Variants in COL4A2 observed in about 807,000 individuals in gnomAD.
COL4A2 encodes collagen alpha-2(IV) chain.
COL4A2 carries 99 observed loss-of-function variants against 200.2 expected under a neutral mutation model. The ratio of observed to expected loss-of-function variants is 0.49; its 90% CI spans 0.42 to 0.58. The LOEUF is 0.58. Among genes scored for constraint, COL4A2 ranks in the 20% least tolerant of loss-of-function variants. COL4A2 has a pLI of 0.00. For synonymous variants in COL4A2, 897 were observed against 900.6 expected (o/e 1.00, Z 0.07); for missense variants, 1,950 against 2,314.1 (o/e 0.84, Z 3.23).
At chr13:110,497,112 A>G (rs58143650) in intron 40 of COL4A2, among the ~76,000 whole-genome samples, 17,278 of 148,922 alleles carry the variant, frequency 0.12, 1,299 homozygotes, top group African/African-American at 0.21. Flanking sequence ...AGTCAGGGGT[A>G]AGGATCTAGG....
chr13:110,364,390 C>T (rs1473122716), intron 4 of COL4A2, among the ~76,000 whole-genome samples: 1 of 152,182 alleles, frequency 6.6e-6, no homozygotes, highest in African/African-American at 2.4e-5. Context: ...CATTATCTAT[C>T]AAATCCTCAA....
Position 110,381,759 on chromosome 13 carries a change from A to G in COL4A2, c.180+24207A>G, listed in dbSNP as rs532781542. 5.9e-5 allele frequency among the ~76,000 whole-genome samples: 9 copies of G among 152,314 alleles called. No individual in the cohort carries two copies. In the South Asian group the frequency reaches 1.5e-3, roughly 25 times the overall value. On this transcript the variant is annotated intron_variant, in intron 4 of 47. Transcript: ENST00000360467. Reference sequence around the variant, plus strand: ...CTTTTTCACTCCCTTTCAGAAACAAATGAAAGGAAGTGTGTAAACCACACA... The same window carrying G: ...CTTTTTCACTCCCTTTCAGAAACAAGTGAAAGGAAGTGTGTAAACCACACA...
intron 4 of COL4A2, among the ~76,000 whole-genome samples, chr13:110,371,910 A>G (rs1878028127): frequency 6.6e-6 from 1 of 152,056 alleles, no homozygotes; most frequent in Non-Finnish European, 1.5e-5. Flanking sequence ...GACAATAGGA[A>G]CTCCAGAAAT....
intron 47 of COL4A2, among the ~76,000 whole-genome samples, chr13:110,509,268 T>TATATATATATATATAC (rs1555334046): frequency 8.3e-6 from 1 of 120,620 alleles, no homozygotes; most frequent in Non-Finnish European, 1.6e-5. Flanking sequence ...TATATATATA[T>TATATATATATATATAC]ATACACACAC....
chr13:110,439,057 A>C, intron 15 of COL4A2, among the ~76,000 whole-genome samples: 1 of 152,186 alleles, frequency 6.6e-6, no homozygotes, highest in Middle Eastern at 3.2e-3. Context: ...CTGTCCCAAG[A>C]GCCCAACAAA....
chr13:110,474,087 A>G (rs541335638), intron 29 of COL4A2, among the ~76,000 whole-genome samples: 2 of 152,220 alleles, frequency 1.3e-5, no homozygotes, highest in African/African-American at 2.4e-5. Context: ...TGATCATTCC[A>G]CTGCACTCCA....
chr13:110,350,715 C>T lies in COL4A2; in HGVS notation c.100-6757C>T, dbSNP rs551131051. Among the ~76,000 whole-genome samples, 6 of 152,282 alleles carry T rather than the reference C, an allele frequency of 3.9e-5. No homozygotes were observed. In the South Asian group the frequency reaches 1.2e-3, roughly 32 times the overall value. ...GCTTTGCAAACCTCGGTGTGCTAAC[C>T]TGGAAGTCATGCTAGAAAGCAGGTT... On this transcript the variant is annotated intron_variant, in intron 3 of 47. Coordinates refer to ENST00000360467, the MANE Select transcript of COL4A2 (RefSeq NM_001846.4).
chr13:110,473,424 G>A (rs543679162), intron 29 of COL4A2: 17 of 410,738 alleles, frequency 4.1e-5, no homozygotes, highest in African/African-American at 3.1e-4. Context: ...CATATGCCTG[G>A]CTGTGACAGG....
Position 110,438,619 on chromosome 13 carries a change from G to A in COL4A2, c.863G>A (p.Gly288Asp). ...KGSEGEPGIR[G>D]ISLKGEEGIM... Reference sequence around the variant, plus strand: ...TACGCCCCCTCTGCTCTCTCCTAGGGCATTTCCTTGAAGGGAGAAGAAGGA... The same window carrying A: ...TACGCCCCCTCTGCTCTCTCCTAGGACATTTCCTTGAAGGGAGAAGAAGGA... Residue 288 changes from glycine to aspartate, a missense_variant and splice_region_variant, in exon 15 of 48, where the codon GGC becomes GAC. Gly to Asp is a moderately conservative substitution (Grantham distance 94). Around this residue, in one of 2 missense-constraint regions of COL4A2, gnomAD observed 565 missense variants for 593.5 expected, o/e 0.95. Transcript: ENST00000360467. 1 of 1,614,220 alleles carries A rather than the reference G, an allele frequency of 6.2e-7. No homozygotes were observed. The highest frequency in any genetic ancestry group is 8.5e-7 in the Non-Finnish European group (1 of 1,180,032).
intron 4 of COL4A2, among the ~76,000 whole-genome samples, chr13:110,371,707 G>A (rs77391965): frequency 0.042 from 6,390 of 152,276 alleles, 181 homozygotes; most frequent in South Asian, 0.11. Flanking sequence ...TCTGCTGTGA[G>A]CATCGATACT....
At chr13:110,383,343 T>TATTGC (rs1878563851) in intron 4 of COL4A2, among the ~76,000 whole-genome samples, 1 of 152,256 alleles carries the variant, frequency 6.6e-6, no homozygotes, top group South Asian at 2.1e-4. Flanking sequence ...TGTATCTGAA[T>TATTGC]ATTGCAAGCT....
At chr13:110,492,918 G>A (rs1883331643) in intron 38 of COL4A2, among the ~76,000 whole-genome samples, 2 of 152,178 alleles carry the variant, frequency 1.3e-5, no homozygotes, top group South Asian at 4.1e-4. Flanking sequence ...GCTTTAGCAG[G>A]ATTGTATGGG....
intron 4 of COL4A2, among the ~76,000 whole-genome samples, chr13:110,397,838 C>T (rs1311315972): frequency 1.3e-5 from 2 of 152,324 alleles, no homozygotes; most frequent in South Asian, 4.1e-4. Flanking sequence ...TTTATATTCA[C>T]AAGTTTATTT....
chr13:110,436,021 T>C lies in COL4A2; in HGVS notation c.727-248T>C, dbSNP rs1880856442. 3 of 607,040 alleles carry C rather than the reference T, an allele frequency of 4.9e-6. No individual in the cohort carries two copies. In the South Asian group the frequency reaches 5.4e-5, roughly 11 times the overall value. 37.6% of individuals were successfully genotyped at this position (607,040 alleles called of 1,614,324 possible). On this transcript the variant is annotated intron_variant, in intron 12 of 47. Coordinates refer to ENST00000360467, the MANE Select transcript of COL4A2 (RefSeq NM_001846.4). Reference sequence around the variant, plus strand: ...AACAACCCCACAGAAACAAATGCAGTCCAGAATTGTAAACAACCTACATGG... The same window carrying C: ...AACAACCCCACAGAAACAAATGCAGCCCAGAATTGTAAACAACCTACATGG...
At chr13:110,462,487 C>T (rs955878003) in intron 24 of COL4A2, 103 bp downstream of exon 24, 1 of 1,096,218 alleles carries the variant, frequency 9.1e-7, no homozygotes, top group African/African-American at 1.5e-5. Context: ...ACTAAACCAA[C>T]CTGTGCATAG....
chr13:110,393,883 A>G (rs976667508), intron 4 of COL4A2, among the ~76,000 whole-genome samples: 11 of 152,220 alleles, frequency 7.2e-5, no homozygotes, highest in African/African-American at 2.7e-4. Flanking sequence ...TGTCAAAAAA[A>G]AAATTCTTTT....
At chr13:110,416,866 G>A (rs1194765465) in intron 4 of COL4A2, among the ~76,000 whole-genome samples, 1 of 152,208 alleles carries the variant, frequency 6.6e-6, no homozygotes, top group African/African-American at 2.4e-5. Flanking sequence ...CTGCTGCCCT[G>A]TGGGCTGTGT....
intron 3 of COL4A2, among the ~76,000 whole-genome samples, chr13:110,310,487 A>T (rs1188660645): frequency 6.6e-6 from 1 of 152,264 alleles, no homozygotes; most frequent in Admixed American, 6.5e-5. Context: ...AGATATTTTT[A>T]ATCATTTTAC....
chr13:110,490,124 G>C (rs75875784), intron 36 of COL4A2, among the ~76,000 whole-genome samples: 7,061 of 152,306 alleles, frequency 0.046, 187 homozygotes, highest in Middle Eastern at 0.099. Context: ...GCGTGCAGCA[G>C]GTGGTCGCTG....
Sources: gnomAD v4.1 joint callset for allele counts (sites outside exome capture counted in the v4.1 genomes callset) on GRCh38, gnomAD v4.1.1 for gene constraint, gnomAD v4.1.1 regional missense constraint, MANE v1.5 for transcripts, NCBI Gene and HGNC (gene_info 2026-07-23, HGNC 2026-07-21) for gene names.